The following THSD4 variants were observed in gnomAD, a reference collection of about 807,000 sequenced individuals.
THSD4 encodes thrombospondin type 1 domain containing 4.
THSD4 carries 69 observed loss-of-function variants against 119.0 expected under a neutral mutation model. The observed-to-expected ratio is 0.58, with a 90% CI of 0.48 to 0.71. The LOEUF is 0.71. Ranked by LOEUF, THSD4 falls within the 30% of genes least tolerant of loss-of-function variation. The pLI is 0.00. For synonymous variants in THSD4, 524 were observed against 540.4 expected, an observed-to-expected ratio of 0.97 and a Z score of 0.42; for missense variants, 1,393 against 1,391.1, an observed-to-expected ratio of 1.00 and a Z score of -0.02.
intron 6 of THSD4, among the ~76,000 whole-genome samples, chr15:71,376,154 G>T (rs1330889829): frequency 1.3e-5 from 2 of 152,132 alleles, no homozygotes; most frequent in Non-Finnish European, 2.9e-5. Flanking sequence ...GTCTGTCATG[G>T]GTGCAGGAGG....
At chr15:71,511,515 T>A (rs2048282991) in intron 7 of THSD4, among the ~76,000 whole-genome samples, 1 of 152,216 alleles carries the variant, frequency 6.6e-6, no homozygotes, top group Non-Finnish European at 1.5e-5. Flanking sequence ...TATTTAAGGA[T>A]CTGTTGAGTT....
chr15:71,438,216 T>G (rs2047041860), intron 7 of THSD4, among the ~76,000 whole-genome samples: 1 of 152,228 alleles, frequency 6.6e-6, no homozygotes, highest in African/African-American at 2.4e-5. Flanking sequence ...ATTTTTCTAT[T>G]GGGTTGCTGA....
Position 71,660,515 on chromosome 15 carries a change from T to C in THSD4, c.1153-15T>C. ...GATACATACTATGAGTCTTTTGTTT[T>C]CTGTCTTTTTGCAGAGCATTGGCTG... On this transcript the variant is annotated splice_polypyrimidine_tract_variant and intron_variant, in intron 7 of 17. Transcript: ENST00000261862. 6.2e-7 allele frequency: 1 copy of C among 1,613,958 alleles called. No individual in the cohort carries two copies. Among genetic ancestry groups the C allele is most frequent in the Non-Finnish European group, 8.5e-7 (1 of 1,179,896 alleles).
At chr15:71,328,891 A>G (rs2045383114) in intron 6 of THSD4, among the ~76,000 whole-genome samples, 1 of 152,244 alleles carries the variant, frequency 6.6e-6, no homozygotes, top group African/African-American at 2.4e-5. Flanking sequence ...TTGCGGTTCA[A>G]GTGGCCCGTG....
intron 3 of THSD4, among the ~76,000 whole-genome samples, chr15:71,182,214 C>T (rs1311411029): frequency 2.0e-5 from 3 of 151,692 alleles, no homozygotes; most frequent in Non-Finnish European, 4.4e-5. Context: ...TTCTTTTGTT[C>T]TAGAGTTTGC....
intron 7 of THSD4, among the ~76,000 whole-genome samples, chr15:71,451,991 G>T (rs1031626667): frequency 6.6e-6 from 1 of 152,108 alleles, no homozygotes; most frequent in East Asian, 1.9e-4. Flanking sequence ...CACTGTTGAG[G>T]GTTGGTGGAC....
At chr15:71,377,914 A>ACACACACCT (rs57687864) in intron 6 of THSD4, among the ~76,000 whole-genome samples, 1 of 146,148 alleles carries the variant, frequency 6.8e-6, no homozygotes, top group African/African-American at 2.5e-5. Context: ...ACACACACAC[A>ACACACACCT]ATTTCCTTCA....
intron 6 of THSD4, among the ~76,000 whole-genome samples, chr15:71,332,891 C>CTTTTTTTTTTTTTTTTTTTT (rs1184457820): frequency 0.016 from 623 of 37,920 alleles, 46 homozygotes; most frequent in Non-Finnish European, 0.024. Context: ...GATTTTTTTA[C>CTTTTTTTTTTTTTTTTTTTT]ATTTTTTTTT....
chr15:71,263,347 A>ATATATATATATATATATATATATG (rs2044425300), intron 6 of THSD4, among the ~76,000 whole-genome samples: 1 of 150,270 alleles, frequency 6.7e-6, no homozygotes, highest in Non-Finnish European at 1.5e-5. Flanking sequence ...ATATATATAT[A>ATATATATATATATATATATATATG]CGACATTTTC....
Position 71,776,048 on chromosome 15 carries a change from C to A in THSD4, c.2915-1184C>A, listed in dbSNP as rs1444028493. On this transcript the variant is annotated intron_variant, in intron 17 of 17. Transcript: ENST00000261862. ...CTGAACTCCCTCCTCTCATCCTACACATACCATACACTCCACAAACCCTAA... is the reference window on the plus strand; with the variant it reads ...CTGAACTCCCTCCTCTCATCCTACAAATACCATACACTCCACAAACCCTAA... Among the ~76,000 whole-genome samples the A allele has an allele frequency of 2.0e-5, 3 of 152,214 alleles. No individual in the cohort carries two copies. The East Asian group carries it at 5.8e-4, about 29-fold the overall frequency.
At chr15:71,466,118 G>A (rs779768371) in intron 7 of THSD4, among the ~76,000 whole-genome samples, 3 of 152,122 alleles carry the variant, frequency 2.0e-5, no homozygotes, top group Admixed American at 6.5e-5. Context: ...GGGAGGCTGA[G>A]GTGGGTGGAT....
intron 7 of THSD4, among the ~76,000 whole-genome samples, chr15:71,618,597 A>G (rs1051932953): frequency 6.6e-6 from 1 of 152,184 alleles, no homozygotes; most frequent in Admixed American, 6.5e-5. Context: ...ATTAAGAGAC[A>G]GGGTCTCACT....
intron 7 of THSD4, among the ~76,000 whole-genome samples, chr15:71,622,602 T>C (rs1486607762): frequency 6.6e-6 from 1 of 152,236 alleles, no homozygotes; most frequent in African/African-American, 2.4e-5. Flanking sequence ...TCTAAATACT[T>C]TTTTCAAGAT....
chr15:71,588,580 C>A (rs970776596), intron 7 of THSD4, among the ~76,000 whole-genome samples: 10 of 151,958 alleles, frequency 6.6e-5, no homozygotes, highest in Non-Finnish European at 1.5e-4. Context: ...TGTGCCACCA[C>A]ACCCGGCTAA....
At chr15:71,693,206 G>A (rs1028480776) in intron 8 of THSD4, among the ~76,000 whole-genome samples, 2 of 152,180 alleles carry the variant, frequency 1.3e-5, no homozygotes, top group Non-Finnish European at 2.9e-5. Flanking sequence ...ATCAAAGGAT[G>A]TGTAAGGCCA....
intron 7 of THSD4, among the ~76,000 whole-genome samples, chr15:71,446,798 T>C (rs544316324): frequency 6.6e-6 from 1 of 152,322 alleles, no homozygotes; most frequent in South Asian, 2.1e-4. Context: ...GCCACAGATC[T>C]GAGCATCTCG....
At position 71,745,109 on chromosome 15, in the gene THSD4, C is replaced by T. The variant is rs778438600; in HGVS notation, c.1910C>T (p.Ser637Leu). The change falls in exon 12 of 18, where the codon TCG becomes TTG. Residue 637 changes from serine to leucine, a missense_variant. Physicochemically the swap from Ser to Leu is moderately radical, Grantham distance 145 (BLOSUM62 -2). Transcript: ENST00000261862. Reference sequence around the variant, plus strand: ...AGACATTCTCCTGTTGTTGCAGGATCGCAGTACCCTATTTTCCGCTGTGTG... The same window carrying T: ...AGACATTCTCCTGTTGTTGCAGGATTGCAGTACCCTATTTTCCGCTGTGTG... ...TECSTTCGKGSQYPIFRCVHR... is the reference protein window; with the variant it reads ...TECSTTCGKGLQYPIFRCVHR... 152 of 1,610,558 alleles carry T rather than the reference C, an allele frequency of 9.4e-5. No homozygotes were observed. The highest frequency in any genetic ancestry group is 1.2e-4 in the Non-Finnish European group (144 of 1,178,968).
intron 7 of THSD4, among the ~76,000 whole-genome samples, chr15:71,548,652 C>A (rs540456279): frequency 9.3e-4 from 141 of 152,112 alleles, no homozygotes; most frequent in Non-Finnish European, 1.7e-3. Context: ...GGGATTGAGC[C>A]CTTGAATGGG....
At chr15:71,435,059 G>T (rs893535506) in intron 7 of THSD4, among the ~76,000 whole-genome samples, 4 of 152,166 alleles carry the variant, frequency 2.6e-5, no homozygotes, top group African/African-American at 9.7e-5. Flanking sequence ...AGCTGTTCAT[G>T]GGAGGGAAAA....
Sources: allele counts gnomAD v4.1 joint callset (sites outside exome capture counted in the v4.1 genomes callset), GRCh38; gene constraint gnomAD v4.1.1; transcripts MANE v1.5; gene names NCBI Gene and HGNC (gene_info 2026-07-23, HGNC 2026-07-21).